OR3A2: variants seen among roughly 807,000 people sequenced by gnomAD.
OR3A2 encodes olfactory receptor family 3 subfamily A member 2.
For missense variants in OR3A2, 318 were observed against 392.8 expected, an observed-to-expected ratio of 0.81 and a Z score of 1.61; for synonymous variants, 126 against 159.3, an observed-to-expected ratio of 0.79 and a Z score of 1.57.
At position 3,348,643 on chromosome 17, in the gene OR3A2, AG is replaced by A. The variant is rs561864916; in HGVS notation, c.-178-12518del. Among the ~76,000 whole-genome samples the A allele has an allele frequency of 3.2e-4, 48 of 152,268 alleles. No individual in the cohort carries two copies. The East Asian group carries it at 7.7e-3, about 24-fold the overall frequency. ...CCAGGAGAACTTCCCCAATCTAGCA[AG>A]GCAGGCCAACATTCAGATTCAGGAA... On this transcript the variant is annotated intron_variant, in intron 2 of 4. Transcript: ENST00000573491.
chr17:3,289,996 A>G (rs975333524), intron 3 of OR3A2, among the ~76,000 whole-genome samples: 1 of 152,142 alleles, frequency 6.6e-6, no homozygotes, highest in Non-Finnish European at 1.5e-5. Flanking sequence ...ACGTAGCTGG[A>G]GAAAATACCC....
At chr17:3,384,259 C>A (rs956622535) in intron 1 of OR3A2, among the ~76,000 whole-genome samples, 1 of 152,274 alleles carries the variant, frequency 6.6e-6, no homozygotes, top group Non-Finnish European at 1.5e-5. Context: ...AAATGGGGGA[C>A]AAAATGAGTA....
chr17:3,344,026 C>T (rs1302829785), intron 2 of OR3A2, among the ~76,000 whole-genome samples: 2 of 152,190 alleles, frequency 1.3e-5, no homozygotes, highest in African/African-American at 4.8e-5. Flanking sequence ...GCTTGCAATA[C>T]ATCTTAGTGT....
rs552615698 is a variant in OR3A2 at position 3,375,139 on chromosome 17, CTT to C, written c.-179+8663_-179+8664del. 9.8e-4 allele frequency among the ~76,000 whole-genome samples: 28 copies of C among 28,712 alleles called. No individual in the cohort carries two copies. The East Asian group carries it at 0.017, about 17-fold the overall frequency. The allele number at this position is 28,712 out of a possible 152,430, so 18.8% of individuals were successfully genotyped here. On this transcript the variant is annotated intron_variant, in intron 2 of 4. Coordinates refer to the OR3A2 transcript ENST00000573491. ...TATCTGGCAATTCAGAGCCTTCTTC[CTT>C]TTTTTTTTTTTTTTTTTTTTTTTTT...
At chr17:3,384,387 C>T (rs1328665071) in intron 1 of OR3A2, among the ~76,000 whole-genome samples, 3 of 152,108 alleles carry the variant, frequency 2.0e-5, no homozygotes, top group African/African-American at 4.8e-5. Context: ...GTGTCATGTG[C>T]GGATGTTTTA....
chr17:3,318,274 G>A (rs1379085558), intron 3 of OR3A2, among the ~76,000 whole-genome samples: 2 of 152,314 alleles, frequency 1.3e-5, no homozygotes, highest in East Asian at 3.9e-4. Flanking sequence ...AGGCCAGAGG[G>A]AAGGGATGCA....
chr17:3,292,489 C>G (rs187587075), intron 3 of OR3A2: 2 of 1,613,724 alleles, frequency 1.2e-6, no homozygotes, highest in African/African-American at 1.3e-5. Flanking sequence ...AGGAAGAGCA[C>G]AAAGACAACT....
intron 1 of OR3A2, among the ~76,000 whole-genome samples, chr17:3,282,407 CA>C (rs139677371): frequency 1.3e-5 from 2 of 151,664 alleles, no homozygotes; most frequent in East Asian, 3.9e-4. Flanking sequence ...GATTCTGTCT[CA>C]AAAAAAAGAG....
chr17:3,306,122 A>C (rs143304327), intron 3 of OR3A2, among the ~76,000 whole-genome samples: 38 of 151,656 alleles, frequency 2.5e-4, no homozygotes, highest in African/African-American at 8.5e-4. Flanking sequence ...GCTGAGCTCC[A>C]CTGGAGGCTC....
At chr17:3,279,531 C>A (rs186621115) in intron 1 of OR3A2, among the ~76,000 whole-genome samples, 1 of 152,212 alleles carries the variant, frequency 6.6e-6, no homozygotes, top group African/African-American at 2.4e-5. Flanking sequence ...TGGTGGCTCA[C>A]GCCTGTAATC....
chr17:3,339,539 T>A (rs1288609925), intron 2 of OR3A2, among the ~76,000 whole-genome samples: 1 of 152,182 alleles, frequency 6.6e-6, no homozygotes, highest in African/African-American at 2.4e-5. Flanking sequence ...AATCATGTGG[T>A]TTTTGTCTTT....
intron 2 of OR3A2, among the ~76,000 whole-genome samples, chr17:3,350,006 C>A (rs1471693135): frequency 6.8e-6 from 1 of 146,744 alleles, no homozygotes; most frequent in Non-Finnish European, 1.5e-5. Context: ...CACAACATAC[C>A]AGAATCTCTG....
At chr17:3,371,385 C>A (rs1424465577) in intron 2 of OR3A2, among the ~76,000 whole-genome samples, 1 of 149,340 alleles carries the variant, frequency 6.7e-6, no homozygotes. Flanking sequence ...GACCCCCCCA[C>A]CTCCCTCCCG....
At chr17:3,345,442 G>GAGAA (rs386385455) in intron 2 of OR3A2, among the ~76,000 whole-genome samples, 1 of 144,508 alleles carries the variant, frequency 6.9e-6, no homozygotes, top group Non-Finnish European at 1.5e-5. Flanking sequence ...GAGAGAGATA[G>GAGAA]AGACAGAGAG....
intron 2 of OR3A2, among the ~76,000 whole-genome samples, chr17:3,362,105 G>A (rs1275235236): frequency 6.6e-6 from 1 of 151,638 alleles, no homozygotes; most frequent in Non-Finnish European, 1.5e-5. Context: ...CCTGTTATTG[G>A]TCTATTCAGA....
At chr17:3,374,945 TG>T (rs1483613873) in intron 2 of OR3A2, among the ~76,000 whole-genome samples, 1 of 151,964 alleles carries the variant, frequency 6.6e-6, no homozygotes, top group East Asian at 1.9e-4. Context: ...CACTTATGAG[TG>T]GGAACATACA....
At chr17:3,329,235 T>A (rs1021434960) in intron 3 of OR3A2, among the ~76,000 whole-genome samples, 15 of 151,660 alleles carry the variant, frequency 9.9e-5, no homozygotes, top group Non-Finnish European at 2.1e-4. Context: ...TAAAATGAGT[T>A]AGGGAGGATT....
intron 2 of OR3A2, among the ~76,000 whole-genome samples, chr17:3,343,865 G>T (rs1335273104): frequency 6.6e-6 from 1 of 151,860 alleles, no homozygotes; most frequent in Non-Finnish European, 1.5e-5. Flanking sequence ...CACCCCCTTT[G>T]CCTCATTATT....
chr17:3,342,217 C>T (rs992864162), intron 2 of OR3A2, among the ~76,000 whole-genome samples: 1 of 152,188 alleles, frequency 6.6e-6, no homozygotes, highest in Non-Finnish European at 1.5e-5. Context: ...AAACACCCTC[C>T]TTTAGCTCAG....
Sources: gnomAD v4.1 joint callset for allele counts (sites outside exome capture counted in the v4.1 genomes callset) on GRCh38, gnomAD v4.1.1 for gene constraint, MANE v1.5 for transcripts, NCBI Gene and HGNC (gene_info 2026-07-23, HGNC 2026-07-21) for gene names.